Variants in GYS2 observed in about 807,000 individuals in gnomAD.
The protein encoded by GYS2 is glycogen synthase 2.
Under a neutral mutation model 85.6 loss-of-function variants are expected in GYS2, and 80 were observed. The observed-to-expected ratio is 0.93, with a 90% CI of 0.78 to 1.13. GYS2 has a LOEUF of 1.13. GYS2 is among the 50% of genes most tolerant of loss of function. The probability of loss-of-function intolerance (pLI) is 0.00; values close to 1 mark genes in which losing one functional copy is unlikely to be tolerated. For synonymous variants in GYS2, 328 were observed against 300.7 expected (o/e 1.09, Z -0.94); for missense variants, 881 against 854.9 (o/e 1.03, Z -0.38).
chr12:21,578,364 C>T (rs1324266351), intron 2 of GYS2, among the ~76,000 whole-genome samples: 1 of 152,114 alleles, frequency 6.6e-6, no homozygotes, highest in Admixed American at 6.6e-5. Flanking sequence ...ACCTTCAATT[C>T]TTGGGCCACC....
intron 1 of GYS2, among the ~76,000 whole-genome samples, chr12:21,585,427 C>A (rs967062029): frequency 2.0e-5 from 3 of 151,988 alleles, no homozygotes; most frequent in African/African-American, 7.2e-5. Flanking sequence ...GGTAAGGAAG[C>A]GTATGCATGG....
At chr12:21,558,643 A>C (rs1372445303) in intron 10 of GYS2, among the ~76,000 whole-genome samples, 1 of 152,206 alleles carries the variant, frequency 6.6e-6, no homozygotes, top group Non-Finnish European at 1.5e-5. Flanking sequence ...GATTTCTTTT[A>C]GCAAGGCTGT....
At chr12:21,541,474 T>C (rs927717762) in intron 13 of GYS2, among the ~76,000 whole-genome samples, 4 of 151,778 alleles carry the variant, frequency 2.6e-5, no homozygotes, top group African/African-American at 9.7e-5. Context: ...ATGATAACAA[T>C]AATAATAATA....
intron 4 of GYS2, among the ~76,000 whole-genome samples, chr12:21,570,485 T>A (rs1944588330): frequency 6.6e-6 from 1 of 152,370 alleles, no homozygotes; most frequent in East Asian, 1.9e-4. Flanking sequence ...GTATCAACTC[T>A]ACAAATGTAA....
In GYS2 at chr12:21,604,597, C is replaced by T; in HGVS notation, c.-5G>A. On this transcript the variant is annotated 5_prime_UTR_variant, in exon 1 of 16. Transcript: ENST00000261195. ...GAGGGATCGGCCTCGAAGCATTCTTCTTACAGTCCTCCGAGACTCCTTTGA... is the reference window on the plus strand; with the variant it reads ...GAGGGATCGGCCTCGAAGCATTCTTTTTACAGTCCTCCGAGACTCCTTTGA... The T allele has an allele frequency of 2.5e-6, 4 of 1,612,410 alleles. No individual in the cohort carries two copies. The highest frequency in any genetic ancestry group is 3.4e-6 in the Non-Finnish European group (4 of 1,178,764).
intron 1 of GYS2, among the ~76,000 whole-genome samples, chr12:21,594,571 C>G (rs1035195757): frequency 6.6e-6 from 1 of 151,962 alleles, no homozygotes; most frequent in African/African-American, 2.4e-5. Flanking sequence ...CGGAAAACTA[C>G]AAAACACTGA....
At position 21,586,495 on chromosome 12, in the gene GYS2, G is replaced by A. The variant is rs1252178804; in HGVS notation, c.122-5972C>T. On this transcript the variant is annotated intron_variant, in intron 1 of 15. Coordinates refer to ENST00000261195, the MANE Select transcript of GYS2 (RefSeq NM_021957.4). ...TAGTTCTGTCTCTCTAGGGAACCCT[G>A]ACAAATACAGTGAGCTCAGGTCCTG... 3.3e-5 allele frequency among the ~76,000 whole-genome samples: 5 copies of A among 151,746 alleles called. 1 individual carries two copies. The South Asian group carries it at 1.0e-3, about 32-fold the overall frequency.
At chr12:21,540,344 A>T in intron 14 of GYS2, 66 bp downstream of exon 14, 1 of 1,253,626 alleles carries the variant, frequency 8.0e-7, no homozygotes, top group African/African-American at 1.5e-5. Context: ...TATGACTAGA[A>T]TCAATATGTT....
intron 5 of GYS2, among the ~76,000 whole-genome samples, chr12:21,565,764 TG>T (rs1245344419): frequency 1.3e-5 from 2 of 151,822 alleles, no homozygotes; most frequent in East Asian, 3.9e-4. Context: ...TTCCTTTCCC[TG>T]GAAGCAACAT....
rs1335761304 is a variant in GYS2, at chr12:21,536,280, T to A, written c.*674A>T. On this transcript the variant is annotated 3_prime_UTR_variant, in exon 16 of 16. Coordinates refer to ENST00000261195, the MANE Select transcript of GYS2 (RefSeq NM_021957.4). ...CCAAATTTTAAAAAGGCTTTCTATT[T>A]AAACAATAGAAAAATGTTACAGTAA... 2.0e-5 allele frequency: 3 copies of A among 152,414 alleles called. No homozygotes were observed. Among genetic ancestry groups the A allele is most frequent in the Non-Finnish European group, 4.4e-5 (3 of 68,096 alleles). 9.4% of individuals were successfully genotyped at this position (152,414 alleles called of 1,614,324 possible).
chr12:21,547,568 G>A (rs1944056728), intron 11 of GYS2, among the ~76,000 whole-genome samples: 1 of 152,168 alleles, frequency 6.6e-6, no homozygotes, highest in Non-Finnish European at 1.5e-5. Context: ...TCTTGAAAAA[G>A]TTAAACTATG....
chr12:21,593,175 CAT>C (rs1407118825), intron 1 of GYS2, among the ~76,000 whole-genome samples: 1 of 151,554 alleles, frequency 6.6e-6, no homozygotes, highest in Non-Finnish European at 1.5e-5. Flanking sequence ...AAATTAAAAA[CAT>C]AGAAAGATTT....
At position 21,542,494 on chromosome 12, in the gene GYS2, A is replaced by G; in HGVS notation, c.1645+2T>C. 1 of 1,599,564 alleles carries G rather than the reference A, an allele frequency of 6.3e-7. No individual in the cohort carries two copies. ...GCATGGGTTAATGATGAAAACCCTCACCGTAAGCAGTAGGATCAGCCACGT... is the reference window on the plus strand; with the variant it reads ...GCATGGGTTAATGATGAAAACCCTCGCCGTAAGCAGTAGGATCAGCCACGT... On this transcript the variant is annotated splice_donor_variant, in intron 13 of 15. Transcript: ENST00000261195. LOFTEE classifies it high-confidence loss of function.
At chr12:21,594,700 G>A (rs139820394) in intron 1 of GYS2, among the ~76,000 whole-genome samples, 6 of 152,080 alleles carry the variant, frequency 3.9e-5, no homozygotes, top group South Asian at 2.1e-4. Context: ...CTATATGACC[G>A]CTATCAAAAT....
chr12:21,535,843 AGT>A (rs753436514), downstream of GYS2, among the ~76,000 whole-genome samples: 12 of 152,196 alleles, frequency 7.9e-5, no homozygotes, highest in African/African-American at 1.2e-4. Flanking sequence ...GCAATCCAAG[AGT>A]GTGATTTTTG....
Position 21,596,010 on chromosome 12 carries a change from G to A in GYS2, c.121+8462C>T, listed in dbSNP as rs191812371. Among the ~76,000 whole-genome samples, 46 of 152,124 alleles carry A rather than the reference G, an allele frequency of 3.0e-4. No individual in the cohort carries two copies. The South Asian group carries it at 4.6e-3, about 15-fold the overall frequency. The stretch of plus-strand genomic sequence containing the variant: ...GAACACACATTCTATTCAACAGCGC[G>A]TGGAAATTTCTCCAAGGTAGACCAT... On this transcript the variant is annotated intron_variant, in intron 1 of 15. Transcript: ENST00000261195.
Position 21,546,470 on chromosome 12 carries a change from C to T in GYS2, c.1423G>A (p.Val475Met), listed in dbSNP as rs767304642. 2 of 1,586,646 alleles carry T rather than the reference C, an allele frequency of 1.3e-6. No individual in the cohort carries two copies. Among genetic ancestry groups the T allele is most frequent in the East Asian group, 4.5e-5 (2 of 44,584 alleles). Residue 475 changes from valine (V) to methionine (M), a missense_variant and splice_region_variant, in exon 12 of 16, where the codon GTG becomes ATG. By Grantham distance (21) the Val-to-Met change is conservative. Transcript: ENST00000261195. Reference protein sequence around the residue: ...LFNNRTDRVKVILHPEFLSST... With the variant: ...LFNNRTDRVKMILHPEFLSST... The stretch of plus-strand genomic sequence containing the variant: ...GATAGAAACTCTGGGTGCAAAATCA[C>T]CTAAAAAAGGAAAATTCTAATTTAA...
chr12:21,603,830 G>A (rs749580716), intron 1 of GYS2, among the ~76,000 whole-genome samples: 44 of 151,996 alleles, frequency 2.9e-4, no homozygotes, highest in Non-Finnish European at 5.3e-4. Context: ...TCTCTACCTT[G>A]CCTTCTCTTA....
intron 3 of GYS2, among the ~76,000 whole-genome samples, chr12:21,574,747 A>AT (rs1452199323): frequency 1.3e-5 from 2 of 151,826 alleles, no homozygotes; most frequent in African/African-American, 2.4e-5. Context: ...AACTACTTAA[A>AT]TTTTTTTTAA....
Sources: allele counts gnomAD v4.1 joint callset (sites outside exome capture counted in the v4.1 genomes callset), GRCh38; gene constraint gnomAD v4.1.1; transcripts MANE v1.5; gene names NCBI Gene and HGNC (gene_info 2026-07-23, HGNC 2026-07-21).